PCDH11X: variants seen among roughly 807,000 people sequenced by gnomAD.
The protein encoded by PCDH11X is protocadherin-11 X-linked.
Under a neutral mutation model 53.3 loss-of-function variants are expected in PCDH11X, and 18 were observed. The observed-to-expected ratio is 0.34, with a 90% CI of 0.23 to 0.50. PCDH11X has a LOEUF of 0.50. PCDH11X is among the 20% of genes least tolerant of loss of function. The pLI is 0.98. For synonymous variants in PCDH11X, 279 were observed against 393.3 expected, an observed-to-expected ratio of 0.71 and a Z score of 3.44; for missense variants, 570 against 1,032.4, an observed-to-expected ratio of 0.55 and a Z score of 6.14.
chrX:92,163,191 G>C (rs2759808), intron 6 of PCDH11X, among the ~76,000 whole-genome samples: 1 of 109,788 alleles, frequency 9.1e-6, no homozygotes, highest in South Asian at 4.0e-4. Flanking sequence ...CGTGCCCCCC[G>C]CCAAAACAGT....
intron 6 of PCDH11X, among the ~76,000 whole-genome samples, chrX:92,118,689 G>A (rs1432377358): frequency 2.0e-5 from 2 of 99,481 alleles, no homozygotes; most frequent in African/African-American, 7.4e-5. Context: ...GCATTTTAAT[G>A]CAAACTAAGC....
chrX:92,037,253 CCT>C (rs963456423), intron 6 of PCDH11X, among the ~76,000 whole-genome samples: 2 of 109,056 alleles, frequency 1.8e-5, no homozygotes, highest in African/African-American at 6.7e-5. Flanking sequence ...TGTTACCCTC[CCT>C]GTGTCCATGT....
intron 8 of PCDH11X, among the ~76,000 whole-genome samples, chrX:92,365,609 G>A (rs774661729): frequency 1.7e-4 from 19 of 111,146 alleles, no homozygotes; most frequent in African/African-American, 5.9e-4. Context: ...ATGTTACAAT[G>A]GCTATGATAT....
intron 10 of PCDH11X, among the ~76,000 whole-genome samples, chrX:92,546,870 A>G (rs1422620159): frequency 8.9e-6 from 1 of 111,963 alleles, no homozygotes; most frequent in Non-Finnish European, 1.9e-5. Flanking sequence ...GCAGGGGCAA[A>G]CAGACCACAT....
intron 6 of PCDH11X, among the ~76,000 whole-genome samples, chrX:92,194,000 T>C (rs764810066): frequency 2.7e-5 from 3 of 112,067 alleles, no homozygotes; most frequent in African/African-American, 6.5e-5. Context: ...CTTTAAAAAA[T>C]TGGACAACAT....
intron 6 of PCDH11X, among the ~76,000 whole-genome samples, chrX:92,148,501 A>G (rs895947303): frequency 9.3e-6 from 1 of 107,690 alleles, no homozygotes; most frequent in Non-Finnish European, 1.9e-5. Context: ...TGCTGGGATT[A>G]TAGGCCTGAG....
intron 6 of PCDH11X, among the ~76,000 whole-genome samples, chrX:92,001,660 G>T (rs1178728962): frequency 9.2e-6 from 1 of 108,548 alleles, no homozygotes; most frequent in Non-Finnish European, 1.9e-5. Context: ...TAGAGATGGG[G>T]TTTCTCCATG....
At chrX:92,196,495 C>T (rs2066293937) in intron 6 of PCDH11X, among the ~76,000 whole-genome samples, 1 of 111,389 alleles carries the variant, frequency 9.0e-6, no homozygotes, top group South Asian at 3.7e-4. Flanking sequence ...CTTCTTCCAA[C>T]TAGAGATTAT....
chrX:91,885,313 G>A (rs1940141639), intron 6 of PCDH11X, among the ~76,000 whole-genome samples: 1 of 111,656 alleles, frequency 9.0e-6, no homozygotes, highest in Admixed American at 9.6e-5. Flanking sequence ...AAATATTTCA[G>A]TTTAGTTCAA....
intron 6 of PCDH11X, among the ~76,000 whole-genome samples, chrX:91,895,443 G>T (rs1480937864): frequency 9.0e-6 from 1 of 110,699 alleles, no homozygotes; most frequent in East Asian, 2.8e-4. Context: ...GGATACAAAA[G>T]ATCAAAACTA....
intron 10 of PCDH11X, among the ~76,000 whole-genome samples, chrX:92,572,713 G>A (rs1407643255): frequency 8.1e-5 from 8 of 98,791 alleles, no homozygotes; most frequent in Admixed American, 1.1e-4. Context: ...GGGAAACCCT[G>A]TATGTACTGA....
At chrX:92,584,114 A>T (rs1431722180) in intron 10 of PCDH11X, among the ~76,000 whole-genome samples, 2 of 111,016 alleles carry the variant, frequency 1.8e-5, no homozygotes, top group Non-Finnish European at 3.8e-5. Context: ...AATTTATGGG[A>T]TGCAACTAAC....
intron 5 of PCDH11X, among the ~76,000 whole-genome samples, chrX:91,853,489 AT>A (rs1201099304): frequency 9.1e-6 from 1 of 109,579 alleles, no homozygotes; most frequent in East Asian, 2.9e-4. Flanking sequence ...ATTATAAATG[AT>A]TCAACCTCAG....
rs775925483 is a variant in PCDH11X, at chrX:91,879,243, C to T, written c.3003C>T (p.Phe1001=). 4.1e-5 allele frequency: 50 copies of T among 1,209,840 alleles called. No individual in the cohort carries two copies. The highest frequency in any genetic ancestry group is 2.1e-4 in the African/African-American group (12 of 57,112). The part of the protein sequence containing the change: ...VSDCGYPVTT[F]EVPVSVHTRP... ...ACTGTGGCTATCCAGTGACGACCTT[C>T]GAGGTACCTGTGTCCGTACACACCA... The change falls in exon 6 of 11, where the codon TTC becomes TTT. Residue 1001 remains phenylalanine (F), a synonymous_variant. Coordinates refer to ENST00000682573, the MANE Select transcript of PCDH11X (RefSeq NM_032968.5).
chrX:91,923,717 C>A (rs993916913), intron 6 of PCDH11X, among the ~76,000 whole-genome samples: 1 of 109,274 alleles, frequency 9.2e-6, no homozygotes, highest in African/African-American at 3.3e-5. Flanking sequence ...TATACATATA[C>A]CCTATTAGTT....
chrX:91,986,869 T>C (rs1419276550), intron 6 of PCDH11X, among the ~76,000 whole-genome samples: 2 of 110,983 alleles, frequency 1.8e-5, no homozygotes, highest in Non-Finnish European at 3.8e-5. Context: ...GTTCTGGAAT[T>C]GGAGCTCAGA....
rs1268253371 is a variant in PCDH11X at position 92,599,499 on chromosome X, C to G, written c.3368-18765C>G. On this transcript the variant is annotated intron_variant, in intron 10 of 10. Transcript: ENST00000682573. ...AAAGGGCAGTTCCCCTGCACATGCTCTCTTGCCTGCCGCCATGTAAGGCAT... is the reference window on the plus strand; with the variant it reads ...AAAGGGCAGTTCCCCTGCACATGCTGTCTTGCCTGCCGCCATGTAAGGCAT... Among the ~76,000 whole-genome samples the G allele has an allele frequency of 2.7e-5, 3 of 112,244 alleles. No individual in the cohort carries two copies. The Admixed American group carries it at 2.8e-4, about 11-fold the overall frequency.
intron 6 of PCDH11X, among the ~76,000 whole-genome samples, chrX:92,175,913 C>A (rs188715654): frequency 4.6e-5 from 5 of 109,398 alleles, no homozygotes; most frequent in Non-Finnish European, 7.6e-5. Flanking sequence ...TCCATGAAGG[C>A]GAGTTATCCA....
At chrX:92,089,473 A>G (rs1267823469) in intron 6 of PCDH11X, among the ~76,000 whole-genome samples, 1 of 112,094 alleles carries the variant, frequency 8.9e-6, no homozygotes, top group African/African-American at 3.2e-5. Context: ...CCCACATTCT[A>G]CATTCCTTTA....
Sources: gnomAD v4.1 joint callset for allele counts (sites outside exome capture counted in the v4.1 genomes callset) on GRCh38, gnomAD v4.1.1 for gene constraint, MANE v1.5 for transcripts, NCBI Gene and HGNC (gene_info 2026-07-23, HGNC 2026-07-21) for gene names.